The following TRERF1 variants were observed in gnomAD, a reference collection of about 807,000 sequenced individuals.
The protein encoded by TRERF1 is transcriptional-regulating factor 1.
A neutral mutation model predicts 122.9 loss-of-function variants in TRERF1; 27 were observed. The ratio of observed to expected loss-of-function variants is 0.22; its 90% CI spans 0.16 to 0.30. TRERF1 has a LOEUF of 0.30. TRERF1 is among the 10% of genes least tolerant of loss of function. The probability of loss-of-function intolerance (pLI) is 1.00; values close to 1 mark genes in which losing one functional copy is unlikely to be tolerated. For missense variants in TRERF1, 1,248 were observed against 1,560.3 expected (o/e 0.80, Z 3.37); for synonymous variants, 636 against 641.7 (o/e 0.99, Z 0.13).
intron 4 of TRERF1, among the ~76,000 whole-genome samples, chr6:42,292,726 C>T (rs898362165): frequency 1.3e-5 from 2 of 152,072 alleles, no homozygotes; most frequent in African/African-American, 2.4e-5. Context: ...TCAAGACCCC[C>T]GAAGAGGAAA....
intron 8 of TRERF1, among the ~76,000 whole-genome samples, chr6:42,262,612 A>AGAGAGAGAGAGAGAAAGAGAGAGAGAG (rs1169414320): frequency 8.6e-6 from 1 of 116,220 alleles, no homozygotes; most frequent in Admixed American, 8.8e-5. Context: ...AGACAGACGG[A>AGAGAGAGAGAGAGAAAGAGAGAGAGAG]AACCCTTCCC....
chr6:42,257,198 T>C, intron 10 of TRERF1, 96 bp from the exon 11 acceptor site: 2 of 1,456,346 alleles, frequency 1.4e-6, no homozygotes, highest in East Asian at 4.5e-5. Flanking sequence ...AGGAAACTAG[T>C]TCTTTCTGCA....
At position 42,232,023 on chromosome 6, in the gene TRERF1, TAG is replaced by T. The variant is rs1484046748; in HGVS notation, c.3278+656_3278+657del. The stretch of plus-strand genomic sequence containing the variant: ...AACAAAGTAAATGCTCAGTAAATGT[TAG>T]CTATTATAATTACTATCTCGTTACT... On this transcript the variant is annotated intron_variant, in intron 17 of 17. Coordinates refer to ENST00000372922, the Ensembl canonical transcript of TRERF1. The surrounding 1 kb of genome is among the most constrained non-coding windows in gnomAD (Gnocchi z 4.5). 6.6e-6 allele frequency among the ~76,000 whole-genome samples: 1 copy of T among 152,264 alleles called. No homozygotes were observed. The highest frequency in any genetic ancestry group is 1.5e-5 in the Non-Finnish European group (1 of 68,048).
intron 3 of TRERF1, among the ~76,000 whole-genome samples, chr6:42,357,243 C>T (rs11962105): frequency 0.095 from 14,219 of 149,270 alleles, 1,038 homozygotes; most frequent in African/African-American, 0.2. Context: ...GCAGGAGAAT[C>T]GCTTGATCCC....
chr6:42,377,407 G>C (rs1352397363), intron 2 of TRERF1, among the ~76,000 whole-genome samples: 1 of 152,004 alleles, frequency 6.6e-6, no homozygotes, highest in Non-Finnish European at 1.5e-5. Flanking sequence ...CCTATAAATG[G>C]GATTGTACAC....
chr6:42,267,830 G>A (rs142127899), intron 5 of TRERF1, among the ~76,000 whole-genome samples: 192 of 152,292 alleles, frequency 1.3e-3, no homozygotes, highest in African/African-American at 4.4e-3. Context: ...ACAGATCCAA[G>A]GGAACTGAGA....
At chr6:42,408,228 T>TATACATACAC (rs879936418) in intron 2 of TRERF1, among the ~76,000 whole-genome samples, 1 of 78,400 alleles carries the variant, frequency 1.3e-5, no homozygotes, top group East Asian at 3.5e-4. Context: ...TATATATATA[T>TATACATACAC]GTGTGTGTGT....
intron 3 of TRERF1, among the ~76,000 whole-genome samples, chr6:42,348,711 T>A (rs1162568750): frequency 6.6e-6 from 1 of 152,202 alleles, no homozygotes; most frequent in African/African-American, 2.4e-5. Flanking sequence ...GCTATAATGA[T>A]ATTCACTAAG....
At chr6:42,258,181 C>T (rs764250717) in exon 10 of TRERF1, 23 of 1,614,106 alleles carry the variant, frequency 1.4e-5, no homozygotes, top group East Asian at 2.2e-5. Context: ...GTGACCGTCA[C>T]GTTGCTGCCA....
chr6:42,248,091 G>A (rs1001185459), intron 13 of TRERF1, among the ~76,000 whole-genome samples: 1 of 152,192 alleles, frequency 6.6e-6, no homozygotes, highest in Non-Finnish European at 1.5e-5. Flanking sequence ...GCCAAAATAA[G>A]TGAATCAGGC....
At chr6:42,406,505 C>A (rs1780200850) in intron 2 of TRERF1, among the ~76,000 whole-genome samples, 1 of 152,180 alleles carries the variant, frequency 6.6e-6, no homozygotes, top group South Asian at 2.1e-4. Flanking sequence ...CCCTGCACAC[C>A]CCAGTTCCCT....
chr6:42,357,513 G>A (rs535070987), intron 3 of TRERF1, among the ~76,000 whole-genome samples: 1 of 152,140 alleles, frequency 6.6e-6, no homozygotes, highest in African/African-American at 2.4e-5. Flanking sequence ...TCTTTTTATT[G>A]AGAAAGCCAC....
At chr6:42,428,400 G>A (rs1052661366) in intron 2 of TRERF1, among the ~76,000 whole-genome samples, 14 of 152,214 alleles carry the variant, frequency 9.2e-5, no homozygotes, top group Non-Finnish European at 1.8e-4. Context: ...ACAGGAGAGA[G>A]GAAATGAAAG....
At chr6:42,338,497 C>A (rs1159403783) in intron 3 of TRERF1, among the ~76,000 whole-genome samples, 1 of 152,208 alleles carries the variant, frequency 6.6e-6, no homozygotes, top group Non-Finnish European at 1.5e-5. Context: ...AAATTAAATG[C>A]ATATGCTCAT....
chr6:42,356,700 G>A (rs1186458578), intron 3 of TRERF1, among the ~76,000 whole-genome samples: 2 of 151,918 alleles, frequency 1.3e-5, no homozygotes, highest in East Asian at 1.9e-4. Context: ...TCAGCCTCCC[G>A]AGTAGCTGGG....
chr6:42,432,198 T>C (rs984908120), intron 2 of TRERF1, among the ~76,000 whole-genome samples: 4 of 152,212 alleles, frequency 2.6e-5, no homozygotes, highest in African/African-American at 9.7e-5. Flanking sequence ...GTAAAAGAAT[T>C]GTCTGGCACG....
In TRERF1 at chr6:42,263,119, T is replaced by G; in HGVS notation, c.1884+201A>C. ...GCAGGCAGTGTGAACAAGGGTAGGG[T>G]TCCCAATGTGGCCACGGGTTCAGCC... On this transcript the variant is annotated intron_variant, in intron 8 of 17. Transcript: ENST00000372922. This position sits in a 1 kb window ranked among gnomAD's most constrained non-coding sequence, Gnocchi z 5.6. 2 of 1,299,114 alleles carry G rather than the reference T, an allele frequency of 1.5e-6. No individual in the cohort carries two copies. The highest frequency in any genetic ancestry group is 2.0e-6 in the Non-Finnish European group (2 of 1,021,930). The allele number at this position is 1,299,114 out of a possible 1,614,324, so 80.5% of individuals were successfully genotyped here.
chr6:42,401,151 G>A (rs879565582), intron 2 of TRERF1, among the ~76,000 whole-genome samples: 4 of 152,182 alleles, frequency 2.6e-5, no homozygotes, highest in Non-Finnish European at 4.4e-5. Flanking sequence ...GGTATTCTAT[G>A]GGGGCCAGCA....
chr6:42,383,976 G>A (rs1423845878), intron 2 of TRERF1, among the ~76,000 whole-genome samples: 2 of 151,588 alleles, frequency 1.3e-5, no homozygotes, highest in South Asian at 2.1e-4. Flanking sequence ...ATCAATGAAT[G>A]AGACATCCTC....
Sources: allele counts gnomAD v4.1 joint callset (sites outside exome capture counted in the v4.1 genomes callset), GRCh38; gene constraint gnomAD v4.1.1; non-coding constraint Gnocchi (gnomAD v3.1); transcripts MANE v1.5; gene names NCBI Gene and HGNC (gene_info 2026-07-23, HGNC 2026-07-21).